Variants in AATK observed in about 807,000 individuals in gnomAD.
The protein encoded by AATK is lemur tail kinase 1, also known as serine/threonine-protein kinase LMTK1.
In AATK, 91 loss-of-function variants were observed where a neutral mutation model predicts 114.3. The ratio of observed to expected loss-of-function variants is 0.80; its 90% CI spans 0.67 to 0.95. The LOEUF (loss-of-function observed/expected upper bound fraction) is 0.95, where lower values mean the gene tolerates loss of function less well. Ranked by LOEUF, AATK falls within the 40% of genes least tolerant of loss-of-function variation. The pLI is 0.00. For missense variants in AATK, 2,176 were observed against 1,965.2 expected, an observed-to-expected ratio of 1.11 and a Z score of -2.03; for synonymous variants, 1,075 against 916.5, an observed-to-expected ratio of 1.17 and a Z score of -3.12.
Position 81,138,113 on chromosome 17 carries a change from C to A in AATK, c.56-3612G>T, listed in dbSNP as rs1308411085. Reference sequence around the variant, plus strand: ...ACACACGCGGACACATACGTGTGCACACAGACATACCCCACACACACATGC... The same window carrying A: ...ACACACGCGGACACATACGTGTGCAAACAGACATACCCCACACACACATGC... On this transcript the variant is annotated intron_variant, in intron 1 of 13. Transcript: ENST00000326724. Among the ~76,000 whole-genome samples the A allele has an allele frequency of 3.3e-5, 5 of 150,042 alleles. No individual in the cohort carries two copies. In the East Asian group the frequency reaches 1.0e-3, roughly 30 times the overall value.
rs201314283 is a variant in AATK, at chr17:81,158,165, C to T, written c.55+7773G>A. 3.3e-5 allele frequency among the ~76,000 whole-genome samples: 5 copies of T among 152,320 alleles called. No homozygotes were observed. The East Asian group carries it at 7.7e-4, about 24-fold the overall frequency. ...GCCCGTCACAGAAGGAAAAATAAAACAGTCTGACGCGCTAGTTCAGGCTCC... is the reference window on the plus strand; with the variant it reads ...GCCCGTCACAGAAGGAAAAATAAAATAGTCTGACGCGCTAGTTCAGGCTCC... On this transcript the variant is annotated intron_variant, in intron 1 of 13. Coordinates refer to ENST00000326724, the MANE Select transcript of AATK (RefSeq NM_001080395.3).
At position 81,122,809 on chromosome 17, in the gene AATK, T is replaced by G; in HGVS notation, c.1127A>C (p.Gln376Pro). The change falls in exon 11 of 14, where the codon CAG (glutamine) becomes CCG (proline). Residue 376 changes from glutamine (Q) to proline (P), a missense_variant. By Grantham distance (76) the Gln-to-Pro change is moderately conservative. Around this residue, in one of 4 missense-constraint regions of AATK, gnomAD observed 273 missense variants for 344.1 expected, o/e 0.79. Coordinates refer to ENST00000326724, the MANE Select transcript of AATK (RefSeq NM_001080395.3). ...TLSDRWYEVMQFCWLQPEQRP... is the reference protein window; with the variant it reads ...TLSDRWYEVMPFCWLQPEQRP... ...CTGCTCGGGCTGCAGCCAGCAGAACTGCATCACCTCGTACCTGCGAGGAGG... is the reference window on the plus strand; with the variant it reads ...CTGCTCGGGCTGCAGCCAGCAGAACGGCATCACCTCGTACCTGCGAGGAGG... 1 of 1,565,534 alleles carries G rather than the reference T, an allele frequency of 6.4e-7. No homozygotes were observed. Among genetic ancestry groups the G allele is most frequent in the Non-Finnish European group, 8.7e-7 (1 of 1,155,126 alleles).
chr17:81,137,403 G>T (rs2061027877), intron 1 of AATK, among the ~76,000 whole-genome samples: 1 of 152,104 alleles, frequency 6.6e-6, no homozygotes, highest in South Asian at 2.1e-4. Flanking sequence ...GAGGAGGGGG[G>T]GTTCCCACAG....
intron 7 of AATK, 51 bp from the exon 8 acceptor site, chr17:81,125,065 TGC>T: frequency 4.6e-6 from 5 of 1,077,106 alleles, no homozygotes; most frequent in Non-Finnish European, 6.5e-6. Context: ...GAGCAGGGTG[TGC>T]CGGGTGGGGG....
chr17:81,126,828 G>A lies in AATK; in HGVS notation c.622-268C>T. On this transcript the variant is annotated intron_variant, in intron 6 of 13. Coordinates refer to ENST00000326724, the MANE Select transcript of AATK (RefSeq NM_001080395.3). This position sits in a 1 kb window ranked among gnomAD's most constrained non-coding sequence, Gnocchi z 5.1. ...CAGGAGTCCCTTGGCCTGTGGTAGA[G>A]AGAGAAACACAGGGCCCAAGTGGAT... 1 of 1,308,712 alleles carries A rather than the reference G, an allele frequency of 7.6e-7. No individual in the cohort carries two copies. Among genetic ancestry groups the A allele is most frequent in the Non-Finnish European group, 9.7e-7 (1 of 1,026,962 alleles). 81.1% of individuals were successfully genotyped at this position (1,308,712 alleles called of 1,614,324 possible).
At position 81,124,947 on chromosome 17, in the gene AATK, C is replaced by A; in HGVS notation, c.823G>T (p.Ala275Ser). 2.5e-6 allele frequency: 4 copies of A among 1,572,402 alleles called. No homozygotes were observed. The highest frequency in any genetic ancestry group is 3.5e-6 in the Non-Finnish European group (4 of 1,157,916). Residue 275 changes from alanine to serine, a missense_variant, in exon 8 of 14, where the codon GCT (alanine) becomes TCT (serine). Physicochemically the swap from Ala to Ser is moderately conservative, Grantham distance 99 (BLOSUM62 1). This residue lies in a region of AATK where 273 missense variants were observed against 344.1 expected (regional missense o/e 0.79). Coordinates refer to ENST00000326724, the MANE Select transcript of AATK (RefSeq NM_001080395.3). Reference protein sequence around the residue: ...LTVKIGDYGLAHCKYREDYFV... With the variant: ...LTVKIGDYGLSHCKYREDYFV... The stretch of plus-strand genomic sequence containing the variant: ...CCACTCACTCTGTACTTGCAGTGAG[C>A]CAGGCCATAGTCACCAATCTTCACC...
At chr17:81,128,020 C>G in intron 4 of AATK, 110 bp from the exon 5 acceptor site, 1 of 1,333,926 alleles carries the variant, frequency 7.5e-7, no homozygotes, top group Non-Finnish European at 1.0e-6. Flanking sequence ...CAGGACACTT[C>G]TCCTCCTGTG....
At position 81,119,326 on chromosome 17, in the gene AATK, C is replaced by T; in HGVS notation, c.4084+54G>A. 3.3e-6 allele frequency: 5 copies of T among 1,495,922 alleles called. No homozygotes were observed. In the South Asian group the frequency reaches 3.7e-5, roughly 11 times the overall value. The allele number at this position is 1,495,922 out of a possible 1,614,324, so 92.7% of individuals were successfully genotyped here. A position where few individuals can be genotyped will look rare whatever the true frequency, so the allele number is the denominator to read the frequency against. On this transcript the variant is annotated intron_variant, in intron 13 of 13. Transcript: ENST00000326724. ...AGACGGAGGGGCCCCACCCTCGGAG[C>T]TCCGTGCCCTGCCTCCCGCGTGCCC...
intron 1 of AATK, among the ~76,000 whole-genome samples, chr17:81,158,819 G>T (rs974859793): frequency 6.6e-6 from 1 of 152,306 alleles, no homozygotes; most frequent in Admixed American, 6.5e-5. Flanking sequence ...CAGCACTGGC[G>T]GGAGGGGAAG....
At position 81,126,153 on chromosome 17, in the gene AATK, A is replaced by T. The variant is rs2060818576; in HGVS notation, c.755+274T>A. 1.3e-5 allele frequency among the ~76,000 whole-genome samples: 2 copies of T among 152,208 alleles called. No homozygotes were observed. The highest frequency in any genetic ancestry group is 6.5e-5 in the Admixed American group (1 of 15,286). ...GAGTGTGGGGTTGGCGCGGGGCTGC[A>T]GGGTGCTGGCTGACTGCCTCGGGGA... is the stretch of plus-strand genomic sequence containing the variant. On this transcript the variant is annotated intron_variant, in intron 7 of 13. Transcript: ENST00000326724. The surrounding 1 kb of genome is among the most constrained non-coding windows in gnomAD (Gnocchi z 5.1).
At chr17:81,150,294 AG>A (rs2061277831) in intron 1 of AATK, among the ~76,000 whole-genome samples, 1 of 151,954 alleles carries the variant, frequency 6.6e-6, no homozygotes, top group Non-Finnish European at 1.5e-5. Context: ...TTAAGTGAAC[AG>A]TTTGACATCC....
intron 1 of AATK, among the ~76,000 whole-genome samples, chr17:81,147,557 C>T (rs1272191290): frequency 6.6e-6 from 1 of 152,068 alleles, no homozygotes; most frequent in African/African-American, 2.4e-5. Context: ...GAGTTTGAGA[C>T]TAGCCTGGCC....
chr17:81,118,312 G>C lies in AATK; in HGVS notation c.*90C>G, dbSNP rs530635913. Reference sequence around the variant, plus strand: ...ATCTGCTGCCAACAGCCACCAGGACGTGGTCCCCACCTTCTCGGTCACCAT... The same window carrying C: ...ATCTGCTGCCAACAGCCACCAGGACCTGGTCCCCACCTTCTCGGTCACCAT... On this transcript the variant is annotated 3_prime_UTR_variant, in exon 14 of 14. Transcript: ENST00000326724. 2.2e-6 allele frequency: 3 copies of C among 1,381,014 alleles called. No individual in the cohort carries two copies. The highest frequency in any genetic ancestry group is 3.0e-6 in the Non-Finnish European group (3 of 1,003,268). The allele number at this position is 1,381,014 out of a possible 1,614,324, so 85.5% of individuals were successfully genotyped here.
At chr17:81,150,724 C>T (rs541263206) in intron 1 of AATK, among the ~76,000 whole-genome samples, 1 of 152,350 alleles carries the variant, frequency 6.6e-6, no homozygotes, top group East Asian at 1.9e-4. Flanking sequence ...TGGAAGCGGG[C>T]TCTGGCCCCT....
At chr17:81,163,643 G>C (rs1431993816) in intron 1 of AATK, among the ~76,000 whole-genome samples, 1 of 152,238 alleles carries the variant, frequency 6.6e-6, no homozygotes, top group African/African-American at 2.4e-5. Flanking sequence ...CACTCAAGCA[G>C]GCTCCTGGGC....
intron 3 of AATK, among the ~76,000 whole-genome samples, chr17:81,129,955 A>C: frequency 6.6e-6 from 1 of 152,232 alleles, no homozygotes; most frequent in East Asian, 1.9e-4. Context: ...AGAGTAGGAC[A>C]GGCGTTGAGG....
chr17:81,120,259 T>G lies in AATK; in HGVS notation c.3677A>C (p.Glu1226Ala). Residue 1226 changes from glutamate to alanine, a missense_variant, in exon 11 of 14, where the codon GAA becomes GCA. Glu to Ala is a moderately radical substitution (Grantham distance 107). Around this residue, in one of 4 missense-constraint regions of AATK, gnomAD observed 1,701 missense variants for 1,394.7 expected, o/e 1.22. Transcript: ENST00000326724. ...LLSETFCEDL[E>A]RKKKAVSFFD... ...GAAGGACACGGCCTTCTTCTTGCGT[T>G]CCAGGTCCTCGCAGAAGGTCTCGGA... is the stretch of plus-strand genomic sequence containing the variant. 1 of 1,600,810 alleles carries G rather than the reference T, an allele frequency of 6.2e-7. No homozygotes were observed.
At chr17:81,138,714 C>A (rs573953411) in intron 1 of AATK, among the ~76,000 whole-genome samples, 1 of 151,488 alleles carries the variant, frequency 6.6e-6, no homozygotes, top group Admixed American at 6.6e-5. Context: ...GATACCCACA[C>A]GCGCAAACCC....
intron 9 of AATK, among the ~76,000 whole-genome samples, chr17:81,124,085 A>G (rs1051903932): frequency 1.3e-4 from 20 of 152,138 alleles, no homozygotes; most frequent in African/African-American, 4.6e-4. Context: ...GGGAGGCCCC[A>G]AAAGCTCAGG....
Sources: allele counts gnomAD v4.1 joint callset (sites outside exome capture counted in the v4.1 genomes callset), GRCh38; gene constraint gnomAD v4.1.1; regional missense constraint gnomAD v4.1.1; non-coding constraint Gnocchi (gnomAD v3.1); transcripts MANE v1.5; gene names NCBI Gene and HGNC (gene_info 2026-07-23, HGNC 2026-07-21).